Variants in AFF3 observed in about 807,000 individuals in gnomAD.
AFF3 encodes AF4/FMR2 family member 3.
In AFF3, 32 loss-of-function variants were observed where a neutral mutation model predicts 129.7. The ratio of observed to expected loss-of-function variants is 0.25; its 90% CI spans 0.19 to 0.33. The LOEUF is 0.33. AFF3 is among the 10% of genes least tolerant of loss of function. AFF3 has a pLI of 1.00. For synonymous variants in AFF3, 644 were observed against 635.4 expected (o/e 1.01, Z -0.20); for missense variants, 1,373 against 1,592.0 (o/e 0.86, Z 2.34).
chr2:100,113,494 T>A (rs1270406824), intron 2 of AFF3, among the ~76,000 whole-genome samples: 1 of 152,220 alleles, frequency 6.6e-6, no homozygotes, highest in Non-Finnish European at 1.5e-5. Flanking sequence ...GAAGTGCAGG[T>A]ACTCAGGGAG....
intron 11 of AFF3, among the ~76,000 whole-genome samples, chr2:99,692,048 C>T (rs146027405): frequency 3.7e-4 from 56 of 152,300 alleles, no homozygotes; most frequent in Admixed American, 5.2e-4. Context: ...TTTCAAGTAG[C>T]GACTGGTGCT....
intron 10 of AFF3, among the ~76,000 whole-genome samples, chr2:99,736,533 G>C (rs539103187): frequency 6.6e-6 from 1 of 150,640 alleles, no homozygotes; most frequent in Admixed American, 6.6e-5. Context: ...CAGAGCTAGA[G>C]TTTTATTTTT....
At chr2:99,914,217 A>AT (rs1343948546) in intron 7 of AFF3, among the ~76,000 whole-genome samples, 1 of 152,212 alleles carries the variant, frequency 6.6e-6, no homozygotes, top group African/African-American at 2.4e-5. Flanking sequence ...CAACGAACTG[A>AT]GAAGGACCAG....
chr2:99,872,195 G>T (rs1460187265), intron 7 of AFF3, among the ~76,000 whole-genome samples: 1 of 116,936 alleles, frequency 8.6e-6, no homozygotes, highest in Non-Finnish European at 1.6e-5. Context: ...GCAACACAGC[G>T]AGACTCCATC....
At chr2:99,661,116 T>C (rs547431066) in intron 12 of AFF3, among the ~76,000 whole-genome samples, 4 of 152,320 alleles carry the variant, frequency 2.6e-5, no homozygotes, top group Non-Finnish European at 4.4e-5. Flanking sequence ...ACATCTCTTG[T>C]AGGGTTTCAC....
chr2:100,127,870 G>A (rs1692262803), intron 2 of AFF3, among the ~76,000 whole-genome samples: 1 of 152,188 alleles, frequency 6.6e-6, no homozygotes, highest in Admixed American at 6.5e-5. Flanking sequence ...CTACTGGGCT[G>A]CATTCCCAGA....
intron 1 of AFF3, among the ~76,000 whole-genome samples, chr2:100,133,522 A>G (rs1692514563): frequency 6.6e-6 from 1 of 152,010 alleles, no homozygotes; most frequent in South Asian, 2.1e-4. Flanking sequence ...ATAGTGACTT[A>G]CAGCCTGGAA....
chr2:100,070,708 G>A (rs966310942), intron 4 of AFF3, among the ~76,000 whole-genome samples: 8 of 152,136 alleles, frequency 5.3e-5, no homozygotes, highest in African/African-American at 1.9e-4. Flanking sequence ...AACTGGCCAT[G>A]GCTCCTGAAG....
intron 7 of AFF3, among the ~76,000 whole-genome samples, chr2:100,000,195 T>C (rs1196020698): frequency 6.6e-6 from 1 of 152,254 alleles, no homozygotes; most frequent in Non-Finnish European, 1.5e-5. Flanking sequence ...ATGCTTACTA[T>C]GTGAACATTT....
At chr2:99,776,938 A>T (rs967419087) in intron 8 of AFF3, among the ~76,000 whole-genome samples, 1 of 152,206 alleles carries the variant, frequency 6.6e-6, no homozygotes, top group African/African-American at 2.4e-5. Context: ...CACTGGGCCG[A>T]GCATGTCAAG....
intron 8 of AFF3, among the ~76,000 whole-genome samples, chr2:99,765,475 T>C (rs1682933911): frequency 6.6e-6 from 1 of 152,220 alleles, no homozygotes; most frequent in South Asian, 2.1e-4. Context: ...TTGTATAATT[T>C]TGGCCTTGCC....
At chr2:100,107,532 T>C (rs980267494) in intron 2 of AFF3, 3 of 983,870 alleles carry the variant, frequency 3.0e-6, no homozygotes, top group Non-Finnish European at 3.6e-6. Flanking sequence ...CCTTAGCTTT[T>C]GCTCATCCTA....
At chr2:99,793,876 C>T (rs917396115) in intron 8 of AFF3, among the ~76,000 whole-genome samples, 5 of 152,126 alleles carry the variant, frequency 3.3e-5, no homozygotes, top group Admixed American at 1.3e-4. Flanking sequence ...AGGAACCTGA[C>T]GTTCAACCTT....
intron 7 of AFF3, among the ~76,000 whole-genome samples, chr2:99,919,059 T>C (rs1695679287): frequency 1.3e-5 from 2 of 152,170 alleles, no homozygotes; most frequent in South Asian, 4.1e-4. Flanking sequence ...CTTAGGTTAC[T>C]GTCTCATTTT....
At chr2:99,995,830 G>A (rs760441490) in intron 7 of AFF3, among the ~76,000 whole-genome samples, 3 of 152,076 alleles carry the variant, frequency 2.0e-5, no homozygotes, top group African/African-American at 4.8e-5. Context: ...AATTAGGAAA[G>A]ATTGATTTTC....
chr2:100,077,478 A>G (rs979051861), intron 4 of AFF3, among the ~76,000 whole-genome samples: 1 of 152,160 alleles, frequency 6.6e-6, no homozygotes, highest in Non-Finnish European at 1.5e-5. Context: ...CTCCAGAAGG[A>G]GCACAGGCCT....
At chr2:99,660,421 G>A (rs1302783863) in intron 12 of AFF3, among the ~76,000 whole-genome samples, 2 of 152,162 alleles carry the variant, frequency 1.3e-5, no homozygotes, top group East Asian at 3.8e-4. Context: ...GTAATGATTA[G>A]GAAAGATTCT....
chr2:99,952,150 G>A (rs1490561906), intron 7 of AFF3, among the ~76,000 whole-genome samples: 6 of 152,162 alleles, frequency 3.9e-5, no homozygotes, highest in Admixed American at 2.6e-4. Flanking sequence ...CTGATGGGAG[G>A]TGACTGGATC....
chr2:99,931,866 G>A (rs1469000326), intron 7 of AFF3, among the ~76,000 whole-genome samples: 1 of 152,172 alleles, frequency 6.6e-6, no homozygotes, highest in African/African-American at 2.4e-5. Context: ...CCGAAATGGT[G>A]CCATTGCACT....
Sources: allele counts gnomAD v4.1 joint callset (sites outside exome capture counted in the v4.1 genomes callset), GRCh38; gene constraint gnomAD v4.1.1; transcripts MANE v1.5; gene names NCBI Gene and HGNC (gene_info 2026-07-23, HGNC 2026-07-21).